The following AKAP7 variants were observed in gnomAD, a reference collection of about 807,000 sequenced individuals.
AKAP7 encodes A kinase (PRKA) anchor protein 7.
Under a neutral mutation model 39.5 loss-of-function variants are expected in AKAP7, and 39 were observed. That is an observed-to-expected ratio of 0.99 (90% CI 0.76 to 1.29). AKAP7 has a LOEUF of 1.29. Among genes scored for constraint, AKAP7 ranks in the 50% most tolerant of loss-of-function variants. The pLI is 0.00. For missense variants in AKAP7, 414 were observed against 407.7 expected, an observed-to-expected ratio of 1.02 and a Z score of -0.13; for synonymous variants, 140 against 139.1, an observed-to-expected ratio of 1.01 and a Z score of -0.05.
intron 6 of AKAP7, among the ~76,000 whole-genome samples, chr6:131,209,055 C>G (rs971574610): frequency 1.3e-5 from 2 of 152,190 alleles, no homozygotes; most frequent in African/African-American, 4.8e-5. Flanking sequence ...GTATAGTCTA[C>G]TCAGCATTGT....
At chr6:131,211,035 T>C (rs1454883840) in intron 6 of AKAP7, among the ~76,000 whole-genome samples, 1 of 152,106 alleles carries the variant, frequency 6.6e-6, no homozygotes, top group East Asian at 1.9e-4. Flanking sequence ...TCTCAACAGG[T>C]GGTAACTTTT....
intron 7 of AKAP7, among the ~76,000 whole-genome samples, chr6:131,222,386 G>T (rs1294253880): frequency 2.0e-5 from 3 of 152,092 alleles, no homozygotes; most frequent in African/African-American, 7.2e-5. Flanking sequence ...TACTAGCCGG[G>T]CGTGGTGGCG....
At chr6:131,131,188 G>A (rs146859799), upstream of AKAP7, among the ~76,000 whole-genome samples, 12 of 152,264 alleles carry the variant, frequency 7.9e-5, no homozygotes, top group East Asian at 5.8e-4. Context: ...ACACATCCTC[G>A]CATCCACCCT....
At chr6:131,176,360 T>C (rs1037188819) in intron 5 of AKAP7, among the ~76,000 whole-genome samples, 3 of 152,098 alleles carry the variant, frequency 2.0e-5, no homozygotes, top group Non-Finnish European at 2.9e-5. Context: ...TAAGAAGATA[T>C]TGAAAATTTT....
chr6:131,251,411 A>G (rs1239477353), intron 7 of AKAP7, among the ~76,000 whole-genome samples: 1 of 152,200 alleles, frequency 6.6e-6, no homozygotes, highest in African/African-American at 2.4e-5. Context: ...GTTTCCAGTC[A>G]TACTTGCTAA....
At chr6:131,243,030 A>G (rs1585162128) in intron 7 of AKAP7, among the ~76,000 whole-genome samples, 1 of 152,192 alleles carries the variant, frequency 6.6e-6, no homozygotes, top group East Asian at 1.9e-4. Context: ...TGTTGGGTGT[A>G]CATGTGAAGC....
chr6:131,230,270 C>G (rs991554694), intron 7 of AKAP7, among the ~76,000 whole-genome samples: 4 of 152,158 alleles, frequency 2.6e-5, no homozygotes, highest in Admixed American at 6.5e-5. Flanking sequence ...TGTTTTTTGA[C>G]TTTTTATTAA....
chr6:131,158,238 T>C (rs1177920284), intron 2 of AKAP7, among the ~76,000 whole-genome samples: 3 of 152,338 alleles, frequency 2.0e-5, no homozygotes, highest in South Asian at 2.1e-4. Flanking sequence ...TTCTGTTTTA[T>C]CGTGTAAAAT....
intron 7 of AKAP7, among the ~76,000 whole-genome samples, chr6:131,255,639 G>A (rs1812780512): frequency 6.6e-6 from 1 of 152,196 alleles, no homozygotes; most frequent in South Asian, 2.1e-4. Context: ...CAGAGCACAG[G>A]CCTGGGAGGA....
At chr6:131,245,696 A>G (rs1811947839) in intron 7 of AKAP7, among the ~76,000 whole-genome samples, 1 of 152,152 alleles carries the variant, frequency 6.6e-6, no homozygotes, top group African/African-American at 2.4e-5. Flanking sequence ...TTCTTGGCAT[A>G]ACAGTTTCCA....
At chr6:131,247,130 T>C (rs894873932) in intron 7 of AKAP7, among the ~76,000 whole-genome samples, 3 of 151,812 alleles carry the variant, frequency 2.0e-5, no homozygotes, top group African/African-American at 7.3e-5. Flanking sequence ...GGTTTTAGAA[T>C]TCTTATCTTG....
At chr6:131,146,249 T>C (rs1801478424) in intron 2 of AKAP7, among the ~76,000 whole-genome samples, 2 of 152,196 alleles carry the variant, frequency 1.3e-5, no homozygotes, top group Non-Finnish European at 1.5e-5. Context: ...GAGAGCTTCA[T>C]TCACAAACTT....
intron 7 of AKAP7, among the ~76,000 whole-genome samples, chr6:131,232,846 A>G (rs1885641): frequency 0.29 from 43,342 of 151,598 alleles, 6,692 homozygotes; most frequent in Middle Eastern, 0.4. Flanking sequence ...CTAGTCATAT[A>G]GAATACTTAT....
In AKAP7 at chr6:131,141,590, A is replaced by G. The variant is rs550934546; in HGVS notation, c.20-3695A>G. 3.9e-5 allele frequency among the ~76,000 whole-genome samples: 6 copies of G among 152,330 alleles called. No homozygotes were observed. The South Asian group carries it at 1.2e-3, about 32-fold the overall frequency. ...GTGGAAGTGGCTTTGGAACTGGGTA[A>G]TGGGCAGGGGTTAGAAGAGTTTGGA... On this transcript the variant is annotated intron_variant, in intron 1 of 7. Transcript: ENST00000431975.
chr6:131,282,545 A>G lies in AKAP7; in HGVS notation c.*819A>G, dbSNP rs1254117006. On this transcript the variant is annotated 3_prime_UTR_variant, in exon 8 of 8. Transcript: ENST00000431975. ...AATTAGGAGGGAGCTTTTTGAAGGA[A>G]GACTTATTAACAACAGTAATTCAGC... is the stretch of plus-strand genomic sequence containing the variant. 2 of 1,535,774 alleles carry G rather than the reference A, an allele frequency of 1.3e-6. No homozygotes were observed. The highest frequency in any genetic ancestry group is 1.4e-5 in the African/African-American group (1 of 73,018).
chr6:131,128,881 T>G, the AKAP7 span, among the ~76,000 whole-genome samples: 1 of 151,432 alleles, frequency 6.6e-6, no homozygotes, highest in African/African-American at 2.4e-5. Context: ...AAAAATGTAC[T>G]TATCATAGAA....
intron 6 of AKAP7, among the ~76,000 whole-genome samples, chr6:131,211,492 G>A (rs1055620066): frequency 6.6e-6 from 1 of 151,996 alleles, no homozygotes; most frequent in Non-Finnish European, 1.5e-5. Flanking sequence ...CCAGATGGGC[G>A]CGGTGGCTCA....
At chr6:131,248,367 G>T (rs1812199153) in intron 7 of AKAP7, among the ~76,000 whole-genome samples, 1 of 152,104 alleles carries the variant, frequency 6.6e-6, no homozygotes, top group Non-Finnish European at 1.5e-5. Flanking sequence ...GACTCTAAAG[G>T]TTTTATCACT....
At chr6:131,197,951 G>A (rs1003780272) in intron 5 of AKAP7, among the ~76,000 whole-genome samples, 6 of 152,188 alleles carry the variant, frequency 3.9e-5, no homozygotes, top group African/African-American at 1.2e-4. Flanking sequence ...AGGATGTGGA[G>A]GTTGAAAGGA....
Sources: allele counts gnomAD v4.1 joint callset (sites outside exome capture counted in the v4.1 genomes callset), GRCh38; gene constraint gnomAD v4.1.1; transcripts MANE v1.5; gene names NCBI Gene and HGNC (gene_info 2026-07-23, HGNC 2026-07-21).